CSNK2A1: variants seen among roughly 807,000 people sequenced by gnomAD.
The protein encoded by CSNK2A1 is casein kinase 2 alpha 1.
In CSNK2A1, 10 loss-of-function variants were observed where a neutral mutation model predicts 62.9. The ratio of observed to expected loss-of-function variants is 0.16; its 90% CI spans 0.10 to 0.27. CSNK2A1 has a LOEUF of 0.27. Ranked by LOEUF, CSNK2A1 falls within the 10% of genes least tolerant of loss-of-function variation. The probability of loss-of-function intolerance (pLI) is 1.00; values close to 1 mark genes in which losing one functional copy is unlikely to be tolerated. For synonymous variants in CSNK2A1, 124 were observed against 167.8 expected (o/e 0.74, Z 2.02); for missense variants, 160 against 492.0 (o/e 0.33, Z 6.38).
At position 514,904 on chromosome 20, in the gene CSNK2A1, G is replaced by C. The variant is rs1184013952; in HGVS notation, c.-109-6244C>G. Among the ~76,000 whole-genome samples the C allele has an allele frequency of 3.9e-5, 6 of 152,090 alleles. No homozygotes were observed. In the East Asian group the frequency reaches 9.6e-4, roughly 24 times the overall value. Reference sequence around the variant, plus strand: ...CCTGATTTTGTCCATCCCTTAAATAGATAACCATCTACTATGAAAAAGTAC... The same window carrying C: ...CCTGATTTTGTCCATCCCTTAAATACATAACCATCTACTATGAAAAAGTAC... On this transcript the variant is annotated intron_variant, in intron 2 of 13. Coordinates refer to ENST00000217244, the MANE Select transcript of CSNK2A1 (RefSeq NM_177559.3).
chr20:529,902 T>G (rs2019176677), intron 1 of CSNK2A1, among the ~76,000 whole-genome samples: 1 of 152,204 alleles, frequency 6.6e-6, no homozygotes, highest in Admixed American at 6.5e-5. Context: ...CTGGGGATCT[T>G]GGAATATATT....
At chr20:526,840 A>T (rs138678670) in intron 2 of CSNK2A1, 122 of 152,054 alleles carry the variant, frequency 8.0e-4, no homozygotes, top group Middle Eastern at 3.3e-3. Flanking sequence ...CTGTAGTCCC[A>T]GCAGGAGGAT....
At chr20:504,771 A>C in intron 4 of CSNK2A1, 1 of 229,494 alleles carries the variant, frequency 4.4e-6, no homozygotes, top group Non-Finnish European at 8.4e-6. Context: ...CCTCATCTTT[A>C]CAAAGTAGAG....
intron 2 of CSNK2A1, among the ~76,000 whole-genome samples, chr20:525,409 G>T (rs550015683): frequency 3.0e-4 from 45 of 151,890 alleles, no homozygotes; most frequent in African/African-American, 5.1e-4. Context: ...TCCCAGCACT[G>T]TGGGAGGCTG....
At position 499,348 on chromosome 20, in the gene CSNK2A1, C is replaced by T; in HGVS notation, c.316-43G>A. ...AAACAAAAACACACATTAGCAATAG[C>T]CCTGACAGCTTTAATGGGGACAATG... On this transcript the variant is annotated intron_variant, in intron 5 of 13. Coordinates refer to ENST00000217244, the MANE Select transcript of CSNK2A1 (RefSeq NM_177559.3). The surrounding 1 kb of genome is among the most constrained non-coding windows in gnomAD (Gnocchi z 4.2). 1 of 1,579,986 alleles carries T rather than the reference C, an allele frequency of 6.3e-7. No homozygotes were observed.
At chr20:498,544 C>CA (rs1361844114) in intron 6 of CSNK2A1, 1 of 152,066 alleles carries the variant, frequency 6.6e-6, no homozygotes, top group African/African-American at 2.4e-5. Flanking sequence ...CGTCTTCTGA[C>CA]AAAGTTTTTC....
rs1281563214 is a variant in CSNK2A1 at position 472,856 on chromosome 20, T to G, written c.*11105A>C. ...AACCTCTCGGCCTTCCAAGAAGGTT[T>G]GTGTCTTTCCTATAATTTCTCCCAC... On this transcript the variant is annotated 3_prime_UTR_variant, in exon 14 of 14. Coordinates refer to ENST00000217244, the MANE Select transcript of CSNK2A1 (RefSeq NM_177559.3). The G allele has an allele frequency of 2.0e-5, 3 of 152,174 alleles. No individual in the cohort carries two copies. The highest frequency in any genetic ancestry group is 4.4e-5 in the Non-Finnish European group (3 of 68,028). 9.4% of individuals were successfully genotyped at this position (152,174 alleles called of 1,614,324 possible).
At chr20:504,846 T>G in intron 4 of CSNK2A1, 1 of 385,960 alleles carries the variant, frequency 2.6e-6, no homozygotes, top group South Asian at 8.4e-5. Context: ...AAATAAGTAT[T>G]AGGCAATAAC....
chr20:485,259 C>T (rs1308705175), intron 13 of CSNK2A1, among the ~76,000 whole-genome samples: 2 of 150,940 alleles, frequency 1.3e-5, no homozygotes, highest in Non-Finnish European at 3.0e-5. Context: ...TCTCGGCTCA[C>T]TGCAACCTCT....
At chr20:493,612 A>G (rs932846108) in intron 8 of CSNK2A1, among the ~76,000 whole-genome samples, 8 of 152,164 alleles carry the variant, frequency 5.3e-5, no homozygotes, top group Non-Finnish European at 1.0e-4. Flanking sequence ...AGAAACTGAC[A>G]CTGGCACAAT....
chr20:488,467 C>A, intron 11 of CSNK2A1: 1 of 482,796 alleles, frequency 2.1e-6, no homozygotes, highest in Non-Finnish European at 3.7e-6. Context: ...TATAACCCCT[C>A]CATCAGACTC....
intron 2 of CSNK2A1, among the ~76,000 whole-genome samples, chr20:517,428 G>A (rs2018849767): frequency 6.6e-6 from 1 of 152,220 alleles, no homozygotes; most frequent in Non-Finnish European, 1.5e-5. Context: ...TGGTCCTGGA[G>A]AAAGTATCTC....
intron 1 of CSNK2A1, among the ~76,000 whole-genome samples, chr20:542,692 GAGTGC>G (rs2019478410): frequency 6.6e-6 from 1 of 152,094 alleles, no homozygotes; most frequent in Admixed American, 6.5e-5. Flanking sequence ...CGGCCTCCCA[GAGTGC>G]TGGGATTACA....
At chr20:504,762 C>T (rs1371159912) in intron 4 of CSNK2A1, 3 of 217,220 alleles carry the variant, frequency 1.4e-5, no homozygotes, top group Non-Finnish European at 2.7e-5. Context: ...CCTGTGACTC[C>T]TCATCTTTAC....
chr20:526,241 G>A (rs1227694938), intron 2 of CSNK2A1, among the ~76,000 whole-genome samples: 1 of 152,082 alleles, frequency 6.6e-6, no homozygotes, highest in African/African-American at 2.4e-5. Flanking sequence ...AAAGGCCAAG[G>A]CAAAGGATTG....
In CSNK2A1 at chr20:482,908, TGAG is replaced by T. The variant is rs1387243301; in HGVS notation, c.*1050_*1052del. Reference sequence around the variant, plus strand: ...ACCTCTCAAGATACATTTACAAGACTGAGGAGCAGGTCTTCTCACTGGATGGCA... The same window carrying T: ...ACCTCTCAAGATACATTTACAAGACTGAGCAGGTCTTCTCACTGGATGGCA... On this transcript the variant is annotated 3_prime_UTR_variant, in exon 14 of 14. Coordinates refer to ENST00000217244, the MANE Select transcript of CSNK2A1 (RefSeq NM_177559.3). The T allele has an allele frequency of 6.6e-6, 1 of 152,560 alleles. No homozygotes were observed. The highest frequency in any genetic ancestry group is 1.5e-5 in the Non-Finnish European group (1 of 68,020). The allele number at this position is 152,560 out of a possible 1,614,324, so 9.5% of individuals were successfully genotyped here.
chr20:532,845 A>C (rs553050350), intron 1 of CSNK2A1, among the ~76,000 whole-genome samples: 1 of 152,342 alleles, frequency 6.6e-6, no homozygotes, highest in South Asian at 2.1e-4. Flanking sequence ...AAGATCATCT[A>C]TTTGGAGGTC....
intron 2 of CSNK2A1, among the ~76,000 whole-genome samples, chr20:517,666 A>T (rs1176986322): frequency 6.6e-6 from 1 of 152,258 alleles, no homozygotes; most frequent in Non-Finnish European, 1.5e-5. Context: ...CATTAAAACA[A>T]GAAATTGCAA....
At chr20:542,683 G>A (rs1162596368) in intron 1 of CSNK2A1, among the ~76,000 whole-genome samples, 2 of 152,000 alleles carry the variant, frequency 1.3e-5, no homozygotes, top group African/African-American at 2.4e-5. Flanking sequence ...CACCCGCCTC[G>A]GCCTCCCAGA....
Sources: allele counts gnomAD v4.1 joint callset (sites outside exome capture counted in the v4.1 genomes callset), GRCh38; gene constraint gnomAD v4.1.1; non-coding constraint Gnocchi (gnomAD v3.1); transcripts MANE v1.5; gene names NCBI Gene and HGNC (gene_info 2026-07-23, HGNC 2026-07-21).